TF: variants seen among roughly 807,000 people sequenced by gnomAD.
TF encodes serotransferrin.
In TF, 55 loss-of-function variants were observed where a neutral mutation model predicts 82.4. That is an observed-to-expected ratio of 0.67 (90% CI 0.54 to 0.84). The LOEUF is 0.84. Among genes scored for constraint, TF ranks in the 40% least tolerant of loss-of-function variants. TF has a pLI of 0.00. For synonymous variants in TF, 332 were observed against 332.6 expected (o/e 1.00, Z 0.02); for missense variants, 737 against 868.4 (o/e 0.85, Z 1.90).
chr3:133,756,942 A>G lies in TF; in HGVS notation c.803A>G (p.His268Arg). The G allele has an allele frequency of 6.2e-7, 1 of 1,610,032 alleles. No individual in the cohort carries two copies. The highest frequency in any genetic ancestry group is 8.5e-7 in the Non-Finnish European group (1 of 1,176,226). ...TGCCACTTGGCCCAGGTCCCTTCTC[A>G]TACCGTCGTGGCCCGAAGTATGGGC... ...KDCHLAQVPSHTVVARSMGGK... is the reference protein window; with the variant it reads ...KDCHLAQVPSRTVVARSMGGK... The change falls in exon 7 of 17, where the codon CAT becomes CGT. Residue 268 changes from histidine (H) to arginine (R), a missense_variant. His to Arg is a conservative substitution (Grantham distance 29). Coordinates refer to ENST00000402696, the MANE Select transcript of TF (RefSeq NM_001063.4).
chr3:133,705,299 A>G, the TF span, among the ~76,000 whole-genome samples: 2 of 151,432 alleles, frequency 1.3e-5, no homozygotes, highest in Non-Finnish European at 2.9e-5. Flanking sequence ...AGGATAAATG[A>G]TGTTTCCATT....
At chr3:133,702,732 A>T in the TF span, among the ~76,000 whole-genome samples, 1 of 152,104 alleles carries the variant, frequency 6.6e-6, no homozygotes, top group Non-Finnish European at 1.5e-5. Flanking sequence ...GGAAAAAATA[A>T]ACTTATAAAT....
chr3:133,710,563 A>G, the TF span, among the ~76,000 whole-genome samples: 1 of 152,130 alleles, frequency 6.6e-6, no homozygotes, highest in African/African-American at 2.4e-5. Context: ...CAAAGAAACC[A>G]TCAGAGAAGT....
At chr3:133,728,846 T>C in the TF span, among the ~76,000 whole-genome samples, 1 of 152,326 alleles carries the variant, frequency 6.6e-6, no homozygotes, top group South Asian at 2.1e-4. Context: ...TGGATGGCCT[T>C]TCTGTTTGTT....
chr3:133,671,195 G>T, the TF span, among the ~76,000 whole-genome samples: 1 of 152,162 alleles, frequency 6.6e-6, no homozygotes, highest in Non-Finnish European at 1.5e-5. Context: ...ATCTCACTGG[G>T]CTTAAATCAA....
Position 133,754,417 on chromosome 3 carries a change from C to T in TF, c.326-78C>T. 2.0e-6 allele frequency: 3 copies of T among 1,480,066 alleles called. No individual in the cohort carries two copies. In the South Asian group the frequency reaches 3.4e-5, roughly 17 times the overall value. The allele number at this position is 1,480,066 out of a possible 1,614,324, so 91.7% of individuals were successfully genotyped here. A position where few individuals can be genotyped will look rare whatever the true frequency, so the allele number is the denominator to read the frequency against. ...GCATGGCCTCTCCGCTCCCCTCCCTCCTCAAGAGTCCGGTGGTGATGAGCC... is the reference window on the plus strand; with the variant it reads ...GCATGGCCTCTCCGCTCCCCTCCCTTCTCAAGAGTCCGGTGGTGATGAGCC... On this transcript the variant is annotated intron_variant, in intron 3 of 16. Coordinates refer to ENST00000402696, the MANE Select transcript of TF (RefSeq NM_001063.4).
At chr3:133,754,420 C>T in intron 3 of TF, 75 bp from the exon 4 acceptor site, 2 of 1,507,754 alleles carry the variant, frequency 1.3e-6, no homozygotes, top group East Asian at 4.5e-5. Flanking sequence ...CCTCCCTCCT[C>T]AAGAGTCCGG....
the TF span, among the ~76,000 whole-genome samples, chr3:133,673,342 A>G: frequency 6.6e-6 from 1 of 152,248 alleles, no homozygotes; most frequent in Non-Finnish European, 1.5e-5. Context: ...ACTCAGCAAG[A>G]TCACTGGATT....
the TF span, among the ~76,000 whole-genome samples, chr3:133,727,927 T>C: frequency 2.6e-5 from 4 of 152,214 alleles, no homozygotes; most frequent in Admixed American, 6.5e-5. Flanking sequence ...TTAGTTTGGC[T>C]GGACATGAAA....
At position 133,757,763 on chromosome 3, in the gene TF, G is replaced by A; in HGVS notation, c.871-6G>A. ...GCCATCCACTATTCTGTTTTTCTAT[G>A]AACAGGAACATTTTGGCAAAGACAA... On this transcript the variant is annotated splice_region_variant and splice_polypyrimidine_tract_variant and intron_variant, in intron 7 of 16. Transcript: ENST00000402696. The A allele has an allele frequency of 3.1e-6, 5 of 1,613,624 alleles. No homozygotes were observed. Among genetic ancestry groups the A allele is most frequent in the Non-Finnish European group, 4.2e-6 (5 of 1,179,552 alleles).
At chr3:133,733,230 T>C in the TF span, among the ~76,000 whole-genome samples, 2 of 152,038 alleles carry the variant, frequency 1.3e-5, no homozygotes, top group South Asian at 2.1e-4. Flanking sequence ...CAGCCTTCCT[T>C]TCCACTCCCG....
chr3:133,738,477 A>G, the TF span, among the ~76,000 whole-genome samples: 13 of 152,338 alleles, frequency 8.5e-5, no homozygotes, highest in African/African-American at 2.9e-4. Flanking sequence ...ATCAGGCAAG[A>G]GAAAGAAATA....
Position 133,792,020 on chromosome 3 carries a change from A to C in TF, c.*13400A>C, listed in dbSNP as rs1007525767. 4 of 152,336 alleles carry C rather than the reference A, an allele frequency of 2.6e-5. No homozygotes were observed. The East Asian group carries it at 7.7e-4, about 29-fold the overall frequency. The allele number at this position is 152,336 out of a possible 1,614,324, so 9.4% of individuals were successfully genotyped here. A position where few individuals can be genotyped will look rare whatever the true frequency, so the allele number is the denominator to read the frequency against. On this transcript the variant is annotated 3_prime_UTR_variant, in exon 17 of 17. Transcript: ENST00000402696. ...TTGGTAAAATAAAAATATCTTCAAA[A>C]TGTAAATATTTAGTCTAAATTATGC...
chr3:133,713,837 T>G, the TF span, among the ~76,000 whole-genome samples: 1 of 152,034 alleles, frequency 6.6e-6, no homozygotes, highest in Non-Finnish European at 1.5e-5. Context: ...AGGTCCTTGG[T>G]GGGGTATGGG....
chr3:133,738,155 A>C, the TF span, among the ~76,000 whole-genome samples: 1 of 152,244 alleles, frequency 6.6e-6, no homozygotes, highest in Non-Finnish European at 1.5e-5. Context: ...AGACTGGTTC[A>C]ACATACTCAA....
intron 11 of TF, among the ~76,000 whole-genome samples, chr3:133,766,011 A>G (rs1467074241): frequency 6.6e-6 from 1 of 152,168 alleles, no homozygotes; most frequent in Non-Finnish European, 1.5e-5. Context: ...TTATAACTTC[A>G]GTGACTTTAT....
At chr3:133,743,222 A>G (rs918355108), upstream of TF, among the ~76,000 whole-genome samples, 5 of 152,192 alleles carry the variant, frequency 3.3e-5, no homozygotes, top group Middle Eastern at 3.2e-3. Context: ...GGCTGCCCCA[A>G]TGATCTTGCC....
rs942932966 is a variant in TF, at chr3:133,793,166, C to G, written c.*14546C>G. ...TTGCCTTTTGAATAAACTACCCCCCCACCAAAAAAAAGGAAGGGAAAGACA... is the reference window on the plus strand; with the variant it reads ...TTGCCTTTTGAATAAACTACCCCCCGACCAAAAAAAAGGAAGGGAAAGACA... On this transcript the variant is annotated 3_prime_UTR_variant, in exon 17 of 17. Coordinates refer to ENST00000402696, the MANE Select transcript of TF (RefSeq NM_001063.4). The G allele has an allele frequency of 1.2e-4, 18 of 151,812 alleles. No homozygotes were observed. Among genetic ancestry groups the G allele is most frequent in the African/African-American group, 4.4e-4 (18 of 41,350 alleles). 9.4% of individuals were successfully genotyped at this position (151,812 alleles called of 1,614,324 possible). A position where few individuals can be genotyped will look rare whatever the true frequency, so the allele number is the denominator to read the frequency against.
chr3:133,701,797 C>T, the TF span, among the ~76,000 whole-genome samples: 1 of 152,188 alleles, frequency 6.6e-6, no homozygotes, highest in East Asian at 1.9e-4. Flanking sequence ...TGGAGGGTGA[C>T]AGGCAGGAAT....
Sources: gnomAD v4.1 joint callset for allele counts (sites outside exome capture counted in the v4.1 genomes callset) on GRCh38, gnomAD v4.1.1 for gene constraint, MANE v1.5 for transcripts, NCBI Gene and HGNC (gene_info 2026-07-23, HGNC 2026-07-21) for gene names.